RASGRP1: variants seen among roughly 807,000 people sequenced by gnomAD.
The protein encoded by RASGRP1 is RAS guanyl-releasing protein 1.
Under a neutral mutation model 95.1 loss-of-function variants are expected in RASGRP1, and 37 were observed. That is an observed-to-expected ratio of 0.39 (90% confidence interval 0.30 to 0.51). RASGRP1 has a LOEUF of 0.51. RASGRP1 is among the 20% of genes least tolerant of loss of function. The pLI is 0.80. For synonymous variants in RASGRP1, 325 were observed against 353.4 expected, an observed-to-expected ratio of 0.92 and a Z score of 0.90; for missense variants, 711 against 965.4, an observed-to-expected ratio of 0.74 and a Z score of 3.49.
intron 3 of RASGRP1, among the ~76,000 whole-genome samples, chr15:38,520,295 G>A (rs1233280755): frequency 6.6e-6 from 1 of 152,158 alleles, no homozygotes; most frequent in African/African-American, 2.4e-5. Flanking sequence ...TTCCAGCTGG[G>A]CCCATGAGAG....
At chr15:38,548,156 C>A (rs940482178) in intron 2 of RASGRP1, among the ~76,000 whole-genome samples, 2 of 152,132 alleles carry the variant, frequency 1.3e-5, no homozygotes, top group African/African-American at 4.8e-5. Flanking sequence ...ACAGACACAG[C>A]CACTCTATTT....
chr15:38,562,800 T>C (rs1893865602), intron 1 of RASGRP1, among the ~76,000 whole-genome samples: 1 of 152,180 alleles, frequency 6.6e-6, no homozygotes, highest in Non-Finnish European at 1.5e-5. Context: ...CATTCAAGAC[T>C]CCTAATCCTG....
intron 3 of RASGRP1, among the ~76,000 whole-genome samples, chr15:38,520,859 C>T (rs1346580765): frequency 2.6e-5 from 4 of 152,080 alleles, no homozygotes; most frequent in African/African-American, 4.8e-5. Context: ...GTAAGATTTG[C>T]AAGCTAAACT....
At chr15:38,560,213 A>C (rs1893749976) in intron 1 of RASGRP1, 2 of 585,616 alleles carry the variant, frequency 3.4e-6, no homozygotes, top group Non-Finnish European at 3.1e-6. Flanking sequence ...TCAGGGTTGC[A>C]ACTAGTGCTC....
At chr15:38,503,460 G>T in intron 10 of RASGRP1, 84 bp from the exon 11 acceptor site, 1 of 1,051,568 alleles carries the variant, frequency 9.5e-7, no homozygotes, top group Non-Finnish European at 1.4e-6. Flanking sequence ...CTACCTGACG[G>T]TTACATTTAT....
At chr15:38,539,393 G>C (rs571271240) in intron 2 of RASGRP1, among the ~76,000 whole-genome samples, 11 of 152,202 alleles carry the variant, frequency 7.2e-5, no homozygotes, top group African/African-American at 2.2e-4. Flanking sequence ...TGTTTTCTCT[G>C]TTTCACACAT....
At position 38,511,585 on chromosome 15, in the gene RASGRP1, A is replaced by T. The variant is rs1205526052; in HGVS notation, c.966+19T>A. On this transcript the variant is annotated intron_variant, in intron 8 of 16. Coordinates refer to ENST00000310803, the MANE Select transcript of RASGRP1 (RefSeq NM_005739.4). ...TTGAGAATGCTGCTAAGGGCCCCAG[A>T]GAAGACAGTAGCACTGACCTTATTG... 1 of 1,581,418 alleles carries T rather than the reference A, an allele frequency of 6.3e-7. No individual in the cohort carries two copies. The highest frequency in any genetic ancestry group is 8.7e-7 in the Non-Finnish European group (1 of 1,150,586).
At chr15:38,500,778 G>A (rs933691443) in intron 13 of RASGRP1, among the ~76,000 whole-genome samples, 1 of 152,154 alleles carries the variant, frequency 6.6e-6, no homozygotes, top group Non-Finnish European at 1.5e-5. Flanking sequence ...GGAAACGATT[G>A]GTCAGGAGTG....
Position 38,490,514 on chromosome 15 carries a change from C to CACTAT in RASGRP1, c.*35_*39dup, listed in dbSNP as rs1344511219. 6.3e-7 allele frequency: 1 copy of CACTAT among 1,592,486 alleles called. No individual in the cohort carries two copies. Among genetic ancestry groups the CACTAT allele is most frequent in the African/African-American group, 1.3e-5 (1 of 74,162 alleles). The stretch of plus-strand genomic sequence containing the variant: ...TGCATTACAGTTTAGGAAATGAGAT[C>CACTAT]ACTATACTCATCTACAGATTGTGCT... On this transcript the variant is annotated 3_prime_UTR_variant, in exon 17 of 17. Coordinates refer to ENST00000310803, the MANE Select transcript of RASGRP1 (RefSeq NM_005739.4).
At chr15:38,526,556 C>T (rs1892227951) in intron 2 of RASGRP1, among the ~76,000 whole-genome samples, 152 bp from the exon 3 acceptor site, 1 of 152,184 alleles carries the variant, frequency 6.6e-6, no homozygotes, top group East Asian at 1.9e-4. Flanking sequence ...CTGTTTTTCT[C>T]ATCCTCCTGC....
rs74009834 is a variant in RASGRP1 at position 38,557,589 on chromosome 15, C to T, written c.220+2232G>A. Among the ~76,000 whole-genome samples, 333 of 141,166 alleles carry T rather than the reference C, an allele frequency of 2.4e-3. 1 individual carries two copies. Among genetic ancestry groups the T allele is most frequent in the African/African-American group, 8.8e-3 (326 of 36,878 alleles). The allele number at this position is 141,166 out of a possible 152,430, so 92.6% of individuals were successfully genotyped here. ...TGCCTTCGGTATTTATCACCCTGTC[C>T]TTTGTATATATATGTGTGTGTGTGT... On this transcript the variant is annotated intron_variant, in intron 2 of 16. Coordinates refer to ENST00000310803, the MANE Select transcript of RASGRP1 (RefSeq NM_005739.4).
At chr15:38,547,420 G>A (rs1893145798) in intron 2 of RASGRP1, among the ~76,000 whole-genome samples, 2 of 152,058 alleles carry the variant, frequency 1.3e-5, no homozygotes, top group South Asian at 4.1e-4. Flanking sequence ...GTACATCAAT[G>A]CTCCAGTTCC....
At chr15:38,502,485 A>G in intron 11 of RASGRP1, 64 bp from the exon 12 acceptor site, 1 of 1,013,080 alleles carries the variant, frequency 9.9e-7, no homozygotes, top group Non-Finnish European at 1.5e-6. Flanking sequence ...CCTTTAGTCA[A>G]ATGACAAAGA....
intron 6 of RASGRP1, among the ~76,000 whole-genome samples, chr15:38,514,189 C>T (rs1891663833): frequency 6.6e-6 from 1 of 152,086 alleles, no homozygotes; most frequent in African/African-American, 2.4e-5. Context: ...GATGAGAAGT[C>T]ACAACCCAAA....
At position 38,503,310 on chromosome 15, in the gene RASGRP1, G is replaced by C; in HGVS notation, c.1390C>G (p.Pro464Ala). ...TGGACGTGTTTGCTAATGGTTTTTGGATCAGGTTTGGGAGACACTCCAGAA... is the reference window on the plus strand; with the variant it reads ...TGGACGTGTTTGCTAATGGTTTTTGCATCAGGTTTGGGAGACACTCCAGAA... ...WASGVSPKPD[P>A]KTISKHVQRM... Residue 464 changes from proline (P) to alanine (A), a missense_variant, in exon 11 of 17, where the codon CCA becomes GCA. This residue lies in a region of RASGRP1 where 491 missense variants were observed against 676.6 expected (regional missense o/e 0.73). Transcript: ENST00000310803. 1 of 1,612,882 alleles carries C rather than the reference G, an allele frequency of 6.2e-7. No homozygotes were observed. Among genetic ancestry groups the C allele is most frequent in the Non-Finnish European group, 8.5e-7 (1 of 1,179,440 alleles).
chr15:38,556,239 G>A (rs1405656736), intron 2 of RASGRP1, among the ~76,000 whole-genome samples: 1 of 152,174 alleles, frequency 6.6e-6, no homozygotes, highest in Non-Finnish European at 1.5e-5. Context: ...GTTGTTTCAT[G>A]GTTAAAGCAA....
At chr15:38,559,091 AT>A (rs1007884817) in intron 2 of RASGRP1, among the ~76,000 whole-genome samples, 1 of 152,202 alleles carries the variant, frequency 6.6e-6, no homozygotes, top group Non-Finnish European at 1.5e-5. Flanking sequence ...AATTTTAATC[AT>A]TTTTTGGGAG....
chr15:38,563,495 C>T (rs1015127115), intron 1 of RASGRP1, among the ~76,000 whole-genome samples: 1 of 152,150 alleles, frequency 6.6e-6, no homozygotes, highest in Non-Finnish European at 1.5e-5. Flanking sequence ...TCAGGCTGAG[C>T]TTTTTATGAA....
chr15:38,520,472 T>C (rs997694997), intron 3 of RASGRP1, among the ~76,000 whole-genome samples: 14 of 152,236 alleles, frequency 9.2e-5, no homozygotes, highest in African/African-American at 3.4e-4. Context: ...AGGAGATCTG[T>C]GCATTTTGAA....
Sources: allele counts gnomAD v4.1 joint callset (sites outside exome capture counted in the v4.1 genomes callset), GRCh38; gene constraint gnomAD v4.1.1; regional missense constraint gnomAD v4.1.1; transcripts MANE v1.5; gene names NCBI Gene and HGNC (gene_info 2026-07-23, HGNC 2026-07-21).